Variants in CELF2 observed in about 807,000 individuals in gnomAD.
The protein encoded by CELF2 is CUGBP Elav-like family member 2.
CELF2 carries 8 observed loss-of-function variants against 62.6 expected under a neutral mutation model. The observed-to-expected ratio is 0.13, with a 90% CI of 0.07 to 0.23. CELF2 has a LOEUF of 0.23. Ranked by LOEUF, CELF2 falls within the 10% of genes least tolerant of loss-of-function variation. CELF2 has a pLI of 1.00. For missense variants in CELF2, 333 were observed against 671.0 expected (o/e 0.50, Z 5.56); for synonymous variants, 258 against 250.0 (o/e 1.03, Z -0.30).
At chr10:10,759,411 G>A in the CELF2 span, among the ~76,000 whole-genome samples, 1 of 148,736 alleles carries the variant, frequency 6.7e-6, no homozygotes, top group East Asian at 2.1e-4. Context: ...TGGGGTTCAA[G>A]CGATTCTCCT....
At chr10:11,109,925 A>T (rs567070085) in intron 1 of CELF2, among the ~76,000 whole-genome samples, 1 of 152,212 alleles carries the variant, frequency 6.6e-6, no homozygotes, top group Admixed American at 6.5e-5. Context: ...GTCTGACAGG[A>T]GTGGACTCAT....
chr10:11,050,349 T>C (rs12359274), intron 1 of CELF2, among the ~76,000 whole-genome samples: 35,701 of 152,128 alleles, frequency 0.23, 4,372 homozygotes, highest in Middle Eastern at 0.29. Flanking sequence ...TTAAACTACA[T>C]TGTCTGGACA....
At chr10:10,715,552 T>A in the CELF2 span, among the ~76,000 whole-genome samples, 1 of 152,248 alleles carries the variant, frequency 6.6e-6, no homozygotes, top group East Asian at 1.9e-4. Flanking sequence ...TTTATTGATC[T>A]ATTTTACATA....
the CELF2 span, among the ~76,000 whole-genome samples, chr10:10,571,858 C>T: frequency 2.0e-5 from 3 of 151,796 alleles, no homozygotes; most frequent in East Asian, 1.9e-4. Flanking sequence ...ATGAGATGAG[C>T]GTAGGAATGA....
chr10:10,556,172 T>A, the CELF2 span, among the ~76,000 whole-genome samples: 1 of 152,136 alleles, frequency 6.6e-6, no homozygotes, highest in Non-Finnish European at 1.5e-5. Flanking sequence ...CCCAGTGCTA[T>A]CCCTCCTCCC....
At chr10:11,082,392 T>C (rs1564656346) in intron 1 of CELF2, among the ~76,000 whole-genome samples, 1 of 152,140 alleles carries the variant, frequency 6.6e-6, no homozygotes, top group Non-Finnish European at 1.5e-5. Flanking sequence ...CCGCTAGTTG[T>C]TCTATATTTC....
the CELF2 span, among the ~76,000 whole-genome samples, chr10:10,481,814 G>C: frequency 6.6e-6 from 1 of 152,092 alleles, no homozygotes; most frequent in Non-Finnish European, 1.5e-5. Flanking sequence ...CAAATGTTAT[G>C]CTTCATTTTC....
chr10:11,271,033 A>C (rs1590242855), intron 7 of CELF2, among the ~76,000 whole-genome samples: 1 of 152,362 alleles, frequency 6.6e-6, no homozygotes, highest in East Asian at 1.9e-4. Flanking sequence ...TAGGAGGGGC[A>C]AAGTCCCACA....
At chr10:11,264,131 A>G (rs891277585) in intron 5 of CELF2, among the ~76,000 whole-genome samples, 5 of 152,228 alleles carry the variant, frequency 3.3e-5, no homozygotes, top group African/African-American at 1.2e-4. Flanking sequence ...TAAGGATTAT[A>G]TAATTACAAG....
chr10:10,631,918 G>T, the CELF2 span, among the ~76,000 whole-genome samples: 6 of 152,114 alleles, frequency 3.9e-5, no homozygotes, highest in African/African-American at 1.4e-4. Context: ...CAGCTGCAAG[G>T]CTACATTTTT....
At chr10:10,518,380 A>G in the CELF2 span, among the ~76,000 whole-genome samples, 4 of 152,212 alleles carry the variant, frequency 2.6e-5, no homozygotes, top group African/African-American at 9.6e-5. Context: ...ATGGTGATAA[A>G]GGAAATAGAC....
the CELF2 span, among the ~76,000 whole-genome samples, chr10:10,649,607 G>A: frequency 2.4e-3 from 359 of 152,294 alleles, 1 homozygote; most frequent in Middle Eastern, 0.02. Flanking sequence ...CATTACCTCT[G>A]AGTCATAATA....
Position 11,324,936 on chromosome 10 carries a change from G to A in CELF2, c.1295-900G>A, listed in dbSNP as rs775411658. 2.0e-5 allele frequency among the ~76,000 whole-genome samples: 3 copies of A among 152,102 alleles called. No homozygotes were observed. The highest frequency in any genetic ancestry group is 1.3e-4 in the Admixed American group (2 of 15,272). ...CCTCGGAAGACTCCATGCCTGGAAC[G>A]CCCAAGAAACAGCCAGCCCTCATCT... is the stretch of plus-strand genomic sequence containing the variant. On this transcript the variant is annotated intron_variant, in intron 11 of 12. Coordinates refer to ENST00000633077, the MANE Select transcript of CELF2 (RefSeq NM_001326342.2). The surrounding 1 kb of genome is among the most constrained non-coding windows in gnomAD (Gnocchi z 4.7).
the CELF2 span, among the ~76,000 whole-genome samples, chr10:10,641,461 A>G: frequency 2.6e-5 from 4 of 151,266 alleles, no homozygotes; most frequent in South Asian, 2.1e-4. Context: ...TTTTTTTGAG[A>G]CAAAGTTTTG....
At chr10:10,977,852 T>G (rs766363823) in intron 2 of CELF2, among the ~76,000 whole-genome samples, 2 of 152,170 alleles carry the variant, frequency 1.3e-5, no homozygotes, top group Non-Finnish European at 2.9e-5. Flanking sequence ...GGGCTTACAG[T>G]AAAAGGGGCA....
At chr10:10,899,455 CA>C (rs2062780894) in intron 1 of CELF2, among the ~76,000 whole-genome samples, 1 of 152,118 alleles carries the variant, frequency 6.6e-6, no homozygotes, top group South Asian at 2.1e-4. Flanking sequence ...ATAGATTTGA[CA>C]ACCTAGATCA....
At chr10:10,819,820 A>G (rs2056807109) in intron 1 of CELF2, among the ~76,000 whole-genome samples, 2 of 151,714 alleles carry the variant, frequency 1.3e-5, no homozygotes, top group Admixed American at 1.3e-4. Flanking sequence ...ACCCATTGTC[A>G]ACTGTCTCAG....
chr10:10,490,575 G>A, the CELF2 span, among the ~76,000 whole-genome samples: 42 of 152,050 alleles, frequency 2.8e-4, no homozygotes, highest in Non-Finnish European at 4.7e-4. Context: ...GGTTGGGGGG[G>A]GGTGGAGCAT....
At chr10:11,239,414 T>C (rs2072913144) in intron 3 of CELF2, among the ~76,000 whole-genome samples, 2 of 152,182 alleles carry the variant, frequency 1.3e-5, no homozygotes, top group Admixed American at 6.5e-5. Flanking sequence ...ATATCCCAGG[T>C]GACCGAGAAA....
Sources: allele counts gnomAD v4.1 joint callset (sites outside exome capture counted in the v4.1 genomes callset), GRCh38; gene constraint gnomAD v4.1.1; non-coding constraint Gnocchi (gnomAD v3.1); transcripts MANE v1.5; gene names NCBI Gene and HGNC (gene_info 2026-07-23, HGNC 2026-07-21).